The following NIN variants were observed in gnomAD, a reference collection of about 807,000 sequenced individuals.
The protein encoded by NIN is glycogen synthase kinase 3 beta-interacting protein.
A neutral mutation model predicts 257.6 loss-of-function variants in NIN; 137 were observed. The observed-to-expected ratio is 0.53, with a 90% confidence interval of 0.46 to 0.61. The LOEUF is 0.61. Among genes scored for constraint, NIN ranks in the 20% least tolerant of loss-of-function variants. The probability of loss-of-function intolerance (pLI) is 0.00; values close to 1 mark genes in which losing one functional copy is unlikely to be tolerated. For synonymous variants in NIN, 918 were observed against 919.8 expected (o/e 1.00, Z 0.04); for missense variants, 2,439 against 2,501.2 (o/e 0.98, Z 0.53).
intron 3 of NIN, among the ~76,000 whole-genome samples, chr14:50,812,131 AT>A (rs963793989): frequency 2.6e-5 from 4 of 152,080 alleles, no homozygotes; most frequent in African/African-American, 4.8e-5. Context: ...GAAACAAAAA[AT>A]TTTTTTTACG....
intron 3 of NIN, among the ~76,000 whole-genome samples, chr14:50,810,774 C>T (rs1042451037): frequency 1.3e-5 from 2 of 152,038 alleles, no homozygotes; most frequent in African/African-American, 4.8e-5. Context: ...CATTCTCCTG[C>T]CTCAGCCTCC....
chr14:50,741,458 C>CAGAT (rs2041276736), intron 25 of NIN, 124 bp downstream of exon 25: 2 of 746,066 alleles, frequency 2.7e-6, no homozygotes, highest in South Asian at 1.9e-5. Context: ...TATACAAACA[C>CAGAT]AGATACATAA....
intron 5 of NIN, among the ~76,000 whole-genome samples, chr14:50,784,819 A>G (rs1295455783): frequency 1.3e-5 from 2 of 152,218 alleles, no homozygotes; most frequent in African/African-American, 2.4e-5. Context: ...CTTCCAATTC[A>G]ACTTAGGATC....
intron 2 of NIN, among the ~76,000 whole-genome samples, chr14:50,824,056 A>T (rs2045354017): frequency 6.6e-6 from 1 of 152,186 alleles, no homozygotes; most frequent in African/African-American, 2.4e-5. Context: ...TCTCACTCTG[A>T]GTTTTACAGT....
At chr14:50,794,351 T>G in intron 4 of NIN, 1 of 230,026 alleles carries the variant, frequency 4.3e-6, no homozygotes. Context: ...AGTGAAGTCA[T>G]TTTATTAGGT....
chr14:50,826,988 C>T (rs2181083), intron 2 of NIN, among the ~76,000 whole-genome samples: 34,190 of 152,092 alleles, frequency 0.22, 4,169 homozygotes, highest in East Asian at 0.38. Flanking sequence ...CTACAGCTGA[C>T]GTGATGAACA....
intron 6 of NIN, 81 bp downstream of exon 6, chr14:50,778,684 T>C (rs2043011726): frequency 2.1e-5 from 25 of 1,209,428 alleles, no homozygotes; most frequent in South Asian, 1.4e-4. Flanking sequence ...GCCTGCAGCA[T>C]AAGAGATCAG....
In NIN at chr14:50,757,236, T is replaced by C; in HGVS notation, c.3794A>G (p.Glu1265Gly). Residue 1265 changes from glutamate to glycine, a missense_variant, in exon 18 of 31, where the codon GAG becomes GGG. Physicochemically the swap from Glu to Gly is moderately conservative, Grantham distance 98 (BLOSUM62 -2). This residue lies in a region of NIN where 2,043 missense variants were observed against 2,050.2 expected (regional missense o/e 1.00). Transcript: ENST00000530997. ...GTAGCGTGTCTCCATCATTCTCAGC[T>C]CTTCCTGAAGGCAGTCATTTTCTCG... ...VSRENDCLQE[E>G]LRMMETRYDE... is the part of the protein sequence containing the mutation. 6.2e-7 allele frequency: 1 copy of C among 1,614,164 alleles called. No individual in the cohort carries two copies. Among genetic ancestry groups the C allele is most frequent in the Non-Finnish European group, 8.5e-7 (1 of 1,180,032 alleles).
At chr14:50,794,121 G>A (rs1315478141) in intron 4 of NIN, among the ~76,000 whole-genome samples, 1 of 152,142 alleles carries the variant, frequency 6.6e-6, no homozygotes. Flanking sequence ...ACCATGCTGG[G>A]GTTTAGCCAT....
chr14:50,723,927 G>T, intron 30 of NIN: 6 of 389,388 alleles, frequency 1.5e-5, no homozygotes, highest in Admixed American at 4.3e-5. Flanking sequence ...GATATTAGAT[G>T]GCACCAAAAG....
At chr14:50,795,717 T>C (rs2043808763) in intron 4 of NIN, among the ~76,000 whole-genome samples, 1 of 152,222 alleles carries the variant, frequency 6.6e-6, no homozygotes, top group African/African-American at 2.4e-5. Context: ...ACGAAATTAT[T>C]GACATCACAG....
intron 15 of NIN, among the ~76,000 whole-genome samples, chr14:50,762,422 G>A (rs949551746): frequency 6.6e-6 from 1 of 152,104 alleles, no homozygotes; most frequent in African/African-American, 2.4e-5. Context: ...ACAGAAGACT[G>A]CCTATTTCCT....
At chr14:50,763,689 T>G in intron 15 of NIN, 137 bp downstream of exon 15, 1 of 685,220 alleles carries the variant, frequency 1.5e-6, no homozygotes, top group Non-Finnish European at 2.3e-6. Context: ...GTGAAACAGC[T>G]CAAGAAAAGA....
intron 3 of NIN, among the ~76,000 whole-genome samples, chr14:50,808,100 G>A (rs1308880162): frequency 6.6e-6 from 1 of 151,784 alleles, no homozygotes; most frequent in Non-Finnish European, 1.5e-5. Flanking sequence ...AAAAATCTAC[G>A]TAATCTAAGG....
intron 21 of NIN, 96 bp downstream of exon 21, chr14:50,752,422 T>C (rs2041826317): frequency 2.2e-6 from 2 of 911,948 alleles, no homozygotes; most frequent in African/African-American, 1.7e-5. Context: ...CTGTTTTAAT[T>C]ACTAAGGCTT....
At chr14:50,747,571 TAAA>T (rs1379215524) in intron 22 of NIN, among the ~76,000 whole-genome samples, 2 of 151,854 alleles carry the variant, frequency 1.3e-5, no homozygotes, top group Non-Finnish European at 2.9e-5. Context: ...CCACCTCTAT[TAAA>T]AACACAAAAA....
chr14:50,800,171 T>C (rs2044033492), intron 4 of NIN, among the ~76,000 whole-genome samples: 1 of 152,180 alleles, frequency 6.6e-6, no homozygotes, highest in Non-Finnish European at 1.5e-5. Flanking sequence ...TTAGTAAATT[T>C]CCCACATAAG....
At chr14:50,813,491 G>A (rs2044736333) in intron 3 of NIN, among the ~76,000 whole-genome samples, 1 of 152,178 alleles carries the variant, frequency 6.6e-6, no homozygotes, top group African/African-American at 2.4e-5. Context: ...TTTTTGTCAT[G>A]TGTCACCACC....
chr14:50,736,427 G>A (rs148205363), intron 27 of NIN, among the ~76,000 whole-genome samples: 3 of 152,104 alleles, frequency 2.0e-5, no homozygotes, highest in Non-Finnish European at 2.9e-5. Flanking sequence ...ATGAGCCACC[G>A]CGTCCAGCCT....
Sources: gnomAD v4.1 joint callset for allele counts (sites outside exome capture counted in the v4.1 genomes callset) on GRCh38, gnomAD v4.1.1 for gene constraint, gnomAD v4.1.1 regional missense constraint, MANE v1.5 for transcripts, NCBI Gene and HGNC (gene_info 2026-07-23, HGNC 2026-07-21) for gene names.